NARF: variants seen among roughly 807,000 people sequenced by gnomAD.
NARF encodes nuclear prelamin A recognition factor, also known as iron-only hydrogenase-like protein 2.
A neutral mutation model predicts 48.0 loss-of-function variants in NARF; 41 were observed. The observed-to-expected ratio is 0.85, with a 90% CI of 0.66 to 1.11. NARF has a LOEUF of 1.11. NARF is among the 50% of genes least tolerant of loss of function. The pLI is 0.00. For missense variants in NARF, 613 were observed against 590.2 expected, an observed-to-expected ratio of 1.04 and a Z score of -0.40; for synonymous variants, 215 against 225.5, an observed-to-expected ratio of 0.95 and a Z score of 0.42.
At position 82,490,131 on chromosome 17, in the gene NARF, A is replaced by C. The variant is rs930860921; in HGVS notation, c.*1974A>C. 6.6e-6 allele frequency: 1 copy of C among 152,220 alleles called. No individual in the cohort carries two copies. The highest frequency in any genetic ancestry group is 2.1e-4 in the South Asian group (1 of 4,840). The allele number at this position is 152,220 out of a possible 1,614,324, so 9.4% of individuals were successfully genotyped here. A position where few individuals can be genotyped will look rare whatever the true frequency, so the allele number is the denominator to read the frequency against. Reference sequence around the variant, plus strand: ...GCGTGAGCCACTGCACCTGGCAAAAAATTTTTTTTTAAAAAGGAGAAAGCA... The same window carrying C: ...GCGTGAGCCACTGCACCTGGCAAAACATTTTTTTTTAAAAAGGAGAAAGCA... On this transcript the variant is annotated 3_prime_UTR_variant, in exon 11 of 11. Coordinates refer to ENST00000309794, the MANE Select transcript of NARF (RefSeq NM_012336.4).
intron 5 of NARF, among the ~76,000 whole-genome samples, chr17:82,473,167 C>CTGA (rs1203066738): frequency 2.0e-5 from 3 of 152,110 alleles, no homozygotes; most frequent in Non-Finnish European, 4.4e-5. Flanking sequence ...TCTTGAACTC[C>CTGA]TGATCTCAGG....
chr17:82,474,625 A>G (rs2043792630), intron 5 of NARF, among the ~76,000 whole-genome samples: 1 of 152,134 alleles, frequency 6.6e-6, no homozygotes, highest in African/African-American at 2.4e-5. Flanking sequence ...TCCCCCTACA[A>G]TGGTTTCAAA....
At position 82,471,791 on chromosome 17, in the gene NARF, C is replaced by CAAAAAAA. The variant is rs58302009; in HGVS notation, c.386-763_386-757dup. ...TGCGCGAAAGAGTGAGACTCCGTCT[C>CAAAAAAA]AAAAAAAAAAAAAAAAGTATGCCCA... is the stretch of plus-strand genomic sequence containing the variant. On this transcript the variant is annotated intron_variant, in intron 4 of 10. Coordinates refer to ENST00000309794, the MANE Select transcript of NARF (RefSeq NM_012336.4). 7.9e-4 allele frequency among the ~76,000 whole-genome samples: 51 copies of CAAAAAAA among 64,602 alleles called. 2 individuals are homozygous for CAAAAAAA. Among genetic ancestry groups the CAAAAAAA allele is most frequent in the East Asian group, 3.2e-3 (3 of 944 alleles). The allele number at this position is 64,602 out of a possible 152,430, so 42.4% of individuals were successfully genotyped here.
At chr17:82,481,006 C>T (rs2043951286) in intron 6 of NARF, 76 bp from the exon 7 acceptor site, 5 of 1,597,514 alleles carry the variant, frequency 3.1e-6, no homozygotes, top group South Asian at 1.1e-5. Context: ...TCTCCCATCC[C>T]TCTTGTTCTG....
chr17:82,480,702 C>T (rs141554985), intron 6 of NARF: 10,580 of 439,114 alleles, frequency 0.024, 162 homozygotes, highest in Admixed American at 0.047. Flanking sequence ...GAGGCCGAGG[C>T]GGGCAGATTG....
intron 6 of NARF, among the ~76,000 whole-genome samples, chr17:82,480,159 C>A (rs1329687608): frequency 6.6e-6 from 1 of 152,232 alleles, no homozygotes; most frequent in Non-Finnish European, 1.5e-5. Context: ...CAACTGCTGG[C>A]TCCTGGCTTT....
Position 82,472,687 on chromosome 17 carries a change from C to G in NARF, c.509C>G (p.Ser170Cys). 7 of 1,613,112 alleles carry G rather than the reference C, an allele frequency of 4.3e-6. No homozygotes were observed. Among genetic ancestry groups the G allele is most frequent in the Non-Finnish European group, 5.9e-6 (7 of 1,179,694 alleles). ...EEERTLPMLTSACPGWVRYAE... is the reference protein window; with the variant it reads ...EEERTLPMLTCACPGWVRYAE... ...GAACGCACCCTGCCCATGCTGACCT[C>G]TGCCTGTCCTGGTGAGCCCCTGGAC... is the stretch of plus-strand genomic sequence containing the variant. The change falls in exon 5 of 11, where the codon TCT becomes TGT. Residue 170 changes from serine (S) to cysteine (C), a missense_variant. Physicochemically the swap from Ser to Cys is moderately radical, Grantham distance 112. Transcript: ENST00000309794.
chr17:82,488,148 C>A lies in NARF; in HGVS notation c.1362C>A (p.Ile454=), dbSNP rs1420778914. 9.3e-6 allele frequency: 15 copies of A among 1,613,616 alleles called. No homozygotes were observed. The highest frequency in any genetic ancestry group is 6.8e-6 in the Non-Finnish European group (8 of 1,179,848). The change falls in exon 11 of 11, where the codon ATC becomes ATA. Residue 454 remains isoleucine (I), a synonymous_variant. Transcript: ENST00000309794. ...AGCGTGGCACACACAGCCTGGACAT[C>A]AAGTGGTGAAGTCAGGCCAGGGCCT... ...SQERGTHSLD[I]KW
intron 4 of NARF, among the ~76,000 whole-genome samples, chr17:82,470,719 C>T (rs1156873911): frequency 6.6e-6 from 1 of 152,022 alleles, no homozygotes; most frequent in Non-Finnish European, 1.5e-5. Context: ...TGGTCTCGAT[C>T]TCCTGACCTC....
chr17:82,487,634 T>C (rs1567948840), intron 10 of NARF, among the ~76,000 whole-genome samples: 2 of 152,068 alleles, frequency 1.3e-5, no homozygotes, highest in Non-Finnish European at 2.9e-5. Context: ...CTCTCCTGCT[T>C]CCAACTCTTC....
intron 10 of NARF, among the ~76,000 whole-genome samples, chr17:82,487,676 C>T (rs547640740): frequency 2.6e-5 from 4 of 151,966 alleles, no homozygotes; most frequent in African/African-American, 4.8e-5. Context: ...AAGACTATCC[C>T]GGCTGGGTGC....
chr17:82,464,933 C>T (rs1041203154), intron 3 of NARF, among the ~76,000 whole-genome samples: 73 of 152,316 alleles, frequency 4.8e-4, no homozygotes, highest in African/African-American at 1.7e-3. Context: ...CTTGTCTTTC[C>T]GTGAGACAGG....
At chr17:82,463,875 G>A (rs987181249) in intron 2 of NARF, 7 of 165,574 alleles carry the variant, frequency 4.2e-5, no homozygotes, top group Non-Finnish European at 6.6e-5. Flanking sequence ...TCAGGGAGCC[G>A]TGGGATGGTA....
intron 7 of NARF, chr17:82,481,859 G>A (rs781706625): frequency 2.8e-6 from 1 of 355,426 alleles, no homozygotes; most frequent in South Asian, 2.0e-5. Context: ...AGCCATAGCG[G>A]GTCTCCTAAT....
In NARF at chr17:82,461,471, C is replaced by T. The variant is rs570657463; in HGVS notation, c.108+1399C>T. Among the ~76,000 whole-genome samples the T allele has an allele frequency of 3.9e-5, 6 of 152,120 alleles. No homozygotes were observed. In the South Asian group the frequency reaches 1.0e-3, roughly 26 times the overall value. On this transcript the variant is annotated intron_variant, in intron 2 of 10. Transcript: ENST00000309794. Reference sequence around the variant, plus strand: ...TACTAAAAATACAAAATTAGCTGGGCGTGGTGGTGCATGCCTGTAATCCCA... The same window carrying T: ...TACTAAAAATACAAAATTAGCTGGGTGTGGTGGTGCATGCCTGTAATCCCA...
rs1465418668 is a variant in NARF, at chr17:82,459,975, TC to T, written c.28-15del. 6.2e-7 allele frequency: 1 copy of T among 1,602,800 alleles called. No homozygotes were observed. The highest frequency in any genetic ancestry group is 1.1e-5 in the South Asian group (1 of 90,582). On this transcript the variant is annotated splice_polypyrimidine_tract_variant and intron_variant, in intron 1 of 10. Coordinates refer to ENST00000309794, the MANE Select transcript of NARF (RefSeq NM_012336.4). ...CGAAGTAAAAGTTCATTGATAATGTTCCTTTGCTTTTTTAAGGAATGTAGTA... is the reference window on the plus strand; with the variant it reads ...CGAAGTAAAAGTTCATTGATAATGTTCTTTGCTTTTTTAAGGAATGTAGTA...
At position 82,468,897 on chromosome 17, in the gene NARF, G is replaced by C. The variant is rs983140624; in HGVS notation, c.385+1G>C. Reference sequence around the variant, plus strand: ...CTCTGTGGTTTCCTCAAAAGTCTTGGTGAGTCATCTTTTGATAAATTGGGA... The same window carrying C: ...CTCTGTGGTTTCCTCAAAAGTCTTGCTGAGTCATCTTTTGATAAATTGGGA... On this transcript the variant is annotated splice_donor_variant, in intron 4 of 10. Coordinates refer to ENST00000309794, the MANE Select transcript of NARF (RefSeq NM_012336.4). LOFTEE classifies it high-confidence loss of function. 1 of 1,612,788 alleles carries C rather than the reference G, an allele frequency of 6.2e-7. No homozygotes were observed. The highest frequency in any genetic ancestry group is 1.1e-5 in the South Asian group (1 of 90,564).
At chr17:82,459,340 C>T (rs113835385) in intron 1 of NARF, 39 of 256,688 alleles carry the variant, frequency 1.5e-4, no homozygotes, top group Non-Finnish European at 2.3e-4. Flanking sequence ...GAATGGGCTC[C>T]TGTGGATGCT....
intron 1 of NARF, 61 bp from the exon 2 acceptor site, chr17:82,459,931 C>T (rs2043392037): frequency 8.0e-7 from 1 of 1,242,988 alleles, no homozygotes; most frequent in South Asian, 1.2e-5. Context: ...TCAGAATGTG[C>T]ACATTTTCTT....
Sources: allele counts gnomAD v4.1 joint callset (sites outside exome capture counted in the v4.1 genomes callset), GRCh38; gene constraint gnomAD v4.1.1; transcripts MANE v1.5; gene names NCBI Gene and HGNC (gene_info 2026-07-23, HGNC 2026-07-21).